Variants in DOCK2 observed in about 807,000 individuals in gnomAD.
DOCK2 encodes dedicator of cytokinesis 2.
A neutral mutation model predicts 248.9 loss-of-function variants in DOCK2; 87 were observed. That is an observed-to-expected ratio of 0.35 (90% CI 0.29 to 0.42). The LOEUF is 0.42. Ranked by LOEUF, DOCK2 falls within the 10% of genes least tolerant of loss-of-function variation. The pLI, the probability that DOCK2 is intolerant of heterozygous loss-of-function variation, is 1.00. For synonymous variants in DOCK2, 805 were observed against 821.6 expected (o/e 0.98, Z 0.35); for missense variants, 1,747 against 2,300.2 (o/e 0.76, Z 4.92).
chr5:169,970,031 G>A (rs1348088824), intron 27 of DOCK2, among the ~76,000 whole-genome samples: 5 of 152,232 alleles, frequency 3.3e-5, no homozygotes, highest in African/African-American at 1.2e-4. Flanking sequence ...CTGCCTTTTT[G>A]AGGATCTCTG....
chr5:169,985,860 G>A lies in DOCK2; in HGVS notation c.2931G>A (p.Lys977=). The change falls in exon 29 of 52, where the codon AAG becomes AAA. Residue 977 remains lysine (K), a synonymous_variant. Coordinates refer to ENST00000520908, the MANE Select transcript of DOCK2 (RefSeq NM_004946.3). ...TGATGGAGACCTTCATCATGTTCAAGGACCTCATTGGAAAGAACGTGTACC... is the reference window on the plus strand; with the variant it reads ...TGATGGAGACCTTCATCATGTTCAAAGACCTCATTGGAAAGAACGTGTACC... ...DFLMETFIMF[K]DLIGKNVYPG... 6.2e-7 allele frequency: 1 copy of A among 1,610,510 alleles called. No individual in the cohort carries two copies. The highest frequency in any genetic ancestry group is 1.3e-5 in the African/African-American group (1 of 74,960).
intron 34 of DOCK2, among the ~76,000 whole-genome samples, chr5:170,030,913 T>A (rs144491777): frequency 6.6e-6 from 1 of 152,288 alleles, no homozygotes; most frequent in Non-Finnish European, 1.5e-5. Flanking sequence ...GCAGAGCTAC[T>A]CCCCCTGTGG....
At chr5:170,028,953 C>T (rs908646196) in intron 34 of DOCK2, among the ~76,000 whole-genome samples, 5 of 152,058 alleles carry the variant, frequency 3.3e-5, no homozygotes, top group Non-Finnish European at 7.3e-5. Flanking sequence ...TATGGATGTA[C>T]CCCATTTTGT....
At position 169,700,032 on chromosome 5, in the gene DOCK2, A is replaced by G. The variant is rs1760873797; in HGVS notation, c.1151A>G (p.Lys384Arg). The G allele has an allele frequency of 1.2e-6, 2 of 1,613,730 alleles. No individual in the cohort carries two copies. Among genetic ancestry groups the G allele is most frequent in the African/African-American group, 2.7e-5 (2 of 74,888 alleles). ...SGGQGLWVTM[K>R]MLVGDIIQIR... ...TTTGCAGGCCTCTGGGTGACCATGAAGATGCTGGTGGGTGACATCATTCAG... is the reference window on the plus strand; with the variant it reads ...TTTGCAGGCCTCTGGGTGACCATGAGGATGCTGGTGGGTGACATCATTCAG... The change falls in exon 13 of 52, where the codon AAG (lysine) becomes AGG (arginine). Residue 384 changes from lysine (K) to arginine (R), a missense_variant. This residue lies in a region of DOCK2 where 375 missense variants were observed against 510.9 expected (regional missense o/e 0.73). Coordinates refer to ENST00000520908, the MANE Select transcript of DOCK2 (RefSeq NM_004946.3).
Position 169,983,183 on chromosome 5 carries a change from CT to C in DOCK2, c.2898+18del. On this transcript the variant is annotated intron_variant, in intron 28 of 51. Coordinates refer to ENST00000520908, the MANE Select transcript of DOCK2 (RefSeq NM_004946.3). The stretch of plus-strand genomic sequence containing the variant: ...GAACTTGTGGTGAGTCTGCAGGATG[CT>C]GGGGGTGAGGAAGAACTCTTCCATC... 6.2e-7 allele frequency: 1 copy of C among 1,613,220 alleles called. No individual in the cohort carries two copies. Among genetic ancestry groups the C allele is most frequent in the Non-Finnish European group, 8.5e-7 (1 of 1,179,232 alleles).
At chr5:169,955,409 G>T (rs1290891834) in intron 27 of DOCK2, among the ~76,000 whole-genome samples, 2 of 152,132 alleles carry the variant, frequency 1.3e-5, no homozygotes, top group African/African-American at 4.8e-5. Flanking sequence ...GAGAGAGACT[G>T]GGAGGGAAGA....
At chr5:169,781,940 C>G (rs1242616239) in intron 25 of DOCK2, among the ~76,000 whole-genome samples, 1 of 152,168 alleles carries the variant, frequency 6.6e-6, no homozygotes, top group East Asian at 1.9e-4. Flanking sequence ...CCGTCTGCAG[C>G]AGGATGCTTT....
At chr5:169,940,551 G>T (rs1776199141) in intron 27 of DOCK2, among the ~76,000 whole-genome samples, 1 of 152,176 alleles carries the variant, frequency 6.6e-6, no homozygotes, top group African/African-American at 2.4e-5. Context: ...TGGGAACCCT[G>T]AGCTTGTTTT....
intron 12 of DOCK2, 53 bp downstream of exon 12, chr5:169,699,511 A>G: frequency 6.5e-7 from 1 of 1,543,622 alleles, no homozygotes; most frequent in Non-Finnish European, 8.8e-7. Context: ...GGGAGCCCCT[A>G]ACTCTTCAGC....
intron 27 of DOCK2, among the ~76,000 whole-genome samples, chr5:169,846,635 CAT>C (rs1452766241): frequency 4.0e-5 from 6 of 151,700 alleles, no homozygotes; most frequent in African/African-American, 7.3e-5. Context: ...TATATACACA[CAT>C]ATATGTACAT....
chr5:169,754,474 G>A (rs1409646278), intron 23 of DOCK2, among the ~76,000 whole-genome samples: 5 of 152,148 alleles, frequency 3.3e-5, no homozygotes, highest in Non-Finnish European at 7.3e-5. Flanking sequence ...TTTCCTGTTG[G>A]CCATTCTTGC....
chr5:169,972,031 C>T (rs1581488960), intron 27 of DOCK2, among the ~76,000 whole-genome samples: 2 of 152,196 alleles, frequency 1.3e-5, no homozygotes, highest in East Asian at 3.8e-4. Context: ...TAGGACTTGG[C>T]CTTAGAATTA....
At chr5:169,681,984 A>G in intron 7 of DOCK2, 105 bp downstream of exon 7, 2 of 1,490,364 alleles carry the variant, frequency 1.3e-6, no homozygotes, top group Admixed American at 2.0e-5. Flanking sequence ...TTCAAGGGGC[A>G]TCTGTCTATG....
At chr5:169,681,635 GT>G in intron 6 of DOCK2, 108 bp from the exon 7 acceptor site, 1 of 1,347,316 alleles carries the variant, frequency 7.4e-7, no homozygotes, top group South Asian at 1.5e-5. Context: ...GCTCTTCTAT[GT>G]GACTATATGA....
chr5:169,657,320 T>G (rs372099866), intron 2 of DOCK2, among the ~76,000 whole-genome samples: 13 of 151,992 alleles, frequency 8.6e-5, no homozygotes, highest in African/African-American at 3.1e-4. Context: ...TCTAAAAATA[T>G]AAAAGGTGTG....
At position 169,932,501 on chromosome 5, in the gene DOCK2, T is replaced by C. The variant is rs80082434; in HGVS notation, c.2800-50567T>C. On this transcript the variant is annotated intron_variant, in intron 27 of 51. Transcript: ENST00000520908. Reference sequence around the variant, plus strand: ...AGTTGATGGAACATGCTTCTGGGTGTCCTCATGGAGCCTCAGGAACAATCT... The same window carrying C: ...AGTTGATGGAACATGCTTCTGGGTGCCCTCATGGAGCCTCAGGAACAATCT... 1.6e-4 allele frequency among the ~76,000 whole-genome samples: 25 copies of C among 152,314 alleles called. No individual in the cohort carries two copies. The East Asian group carries it at 4.6e-3, about 28-fold the overall frequency.
chr5:169,694,390 C>A (rs937256547), intron 9 of DOCK2, among the ~76,000 whole-genome samples: 2 of 152,222 alleles, frequency 1.3e-5, no homozygotes, highest in African/African-American at 4.8e-5. Flanking sequence ...CTTTTAGATT[C>A]GAGCATGAAG....
At chr5:169,795,676 C>T (rs1766604266) in intron 25 of DOCK2, among the ~76,000 whole-genome samples, 1 of 152,214 alleles carries the variant, frequency 6.6e-6, no homozygotes, top group African/African-American at 2.4e-5. Flanking sequence ...AACTGTCAGA[C>T]TAGAATCATG....
chr5:169,807,833 C>CAAAAAAAAAAAAAAAAAAAAAAAAAAA (rs61670398), intron 26 of DOCK2, among the ~76,000 whole-genome samples: 13 of 24,230 alleles, frequency 5.4e-4, no homozygotes, highest in Non-Finnish European at 1.0e-3. Context: ...GACTCTGTCT[C>CAAAAAAAAAAAAAAAAAAAAAAAAAAA]AAAAAAAAAA....
Sources: gnomAD v4.1 joint callset for allele counts (sites outside exome capture counted in the v4.1 genomes callset) on GRCh38, gnomAD v4.1.1 for gene constraint, gnomAD v4.1.1 regional missense constraint, MANE v1.5 for transcripts, NCBI Gene and HGNC (gene_info 2026-07-23, HGNC 2026-07-21) for gene names.